Variants in ATG16L1 observed in about 807,000 individuals in gnomAD.
ATG16L1 encodes the protein autophagy-related protein 16-1.
In ATG16L1, 37 loss-of-function variants were observed where a neutral mutation model predicts 88.5. The observed-to-expected ratio is 0.42, with a 90% CI of 0.32 to 0.55. The LOEUF is 0.55. ATG16L1 is among the 20% of genes least tolerant of loss of function. ATG16L1 has a pLI of 0.13. For synonymous variants in ATG16L1, 301 were observed against 281.0 expected (o/e 1.07, Z -0.71); for missense variants, 554 against 752.8 (o/e 0.74, Z 3.09).
intron 1 of ATG16L1, among the ~76,000 whole-genome samples, chr2:233,254,560 C>T (rs1301465827): frequency 6.6e-6 from 1 of 152,194 alleles, no homozygotes; most frequent in Non-Finnish European, 1.5e-5. Context: ...CTCCAGCCTT[C>T]TCTTCAGGGA....
At chr2:233,280,351 A>AT (rs1175726817) in intron 10 of ATG16L1, among the ~76,000 whole-genome samples, 1 of 152,136 alleles carries the variant, frequency 6.6e-6, no homozygotes, top group East Asian at 1.9e-4. Context: ...AATCATTGAG[A>AT]TTTTTGCTCT....
intron 13 of ATG16L1, 42 bp from the exon 14 acceptor site, chr2:233,290,206 T>A (rs55754152): frequency 0.056 from 90,043 of 1,596,006 alleles, 3,197 homozygotes; most frequent in South Asian, 0.14. Context: ...AACAGCCACG[T>A]TGGTGCCTCT....
chr2:233,269,454 AAGT>A (rs1697831978), intron 5 of ATG16L1, among the ~76,000 whole-genome samples: 1 of 152,168 alleles, frequency 6.6e-6, no homozygotes, highest in Admixed American at 6.5e-5. Flanking sequence ...CACTCAAAGG[AAGT>A]ACTCATTGGA....
chr2:233,282,622 T>C, intron 11 of ATG16L1, 60 bp from the exon 12 acceptor site: 1 of 1,407,692 alleles, frequency 7.1e-7, no homozygotes, highest in Non-Finnish European at 1.0e-6. Context: ...ATTTATATCG[T>C]GTGAACTGAA....
At chr2:233,274,940 T>A (rs187102527) in intron 9 of ATG16L1, among the ~76,000 whole-genome samples, 162 bp downstream of exon 9, 181 of 152,348 alleles carry the variant, frequency 1.2e-3, no homozygotes, top group Non-Finnish European at 2.2e-3. Context: ...TGATATATTT[T>A]GCTTAGTTTC....
chr2:233,286,313 A>G (rs1232400306), intron 12 of ATG16L1, among the ~76,000 whole-genome samples: 1 of 152,174 alleles, frequency 6.6e-6, no homozygotes, highest in African/African-American at 2.4e-5. Flanking sequence ...AGAAATCTTG[A>G]AGCCTCCCCA....
chr2:233,280,291 T>A (rs973229942), intron 10 of ATG16L1, among the ~76,000 whole-genome samples: 3 of 152,250 alleles, frequency 2.0e-5, no homozygotes, highest in African/African-American at 7.2e-5. Flanking sequence ...AATTTCTAGC[T>A]TATCTGTGTG....
rs368303107 is a variant in ATG16L1 at position 233,260,292 on chromosome 2, ATCT to A, written c.210-2834_210-2832del. On this transcript the variant is annotated intron_variant, in intron 2 of 17. Transcript: ENST00000392017. ...TAAGCACGGTTCCTGGACTAGTGAC[ATCT>A]TCTGGGAAACTGTTAGAAACGAAGA... 1.1e-4 allele frequency among the ~76,000 whole-genome samples: 17 copies of A among 152,350 alleles called. No individual in the cohort carries two copies. The East Asian group carries it at 2.7e-3, about 24-fold the overall frequency.
intron 6 of ATG16L1, among the ~76,000 whole-genome samples, chr2:233,270,632 T>G (rs1318606580): frequency 1.3e-5 from 2 of 152,200 alleles, no homozygotes. Flanking sequence ...TTTTTGTTGT[T>G]GTTGTTTTGT....
At chr2:233,256,738 A>G (rs1348291677) in intron 2 of ATG16L1, among the ~76,000 whole-genome samples, 1 of 147,872 alleles carries the variant, frequency 6.8e-6, no homozygotes, top group African/African-American at 2.5e-5. Flanking sequence ...TCTGTCACCC[A>G]GGCCGGAGTA....
intron 14 of ATG16L1, among the ~76,000 whole-genome samples, chr2:233,291,888 A>G (rs1317538295): frequency 6.6e-6 from 1 of 152,208 alleles, no homozygotes; most frequent in African/African-American, 2.4e-5. Context: ...TGTCATTCCA[A>G]AAATGGATGA....
intron 2 of ATG16L1, among the ~76,000 whole-genome samples, chr2:233,259,118 G>C (rs1245186449): frequency 6.6e-6 from 1 of 152,150 alleles, no homozygotes; most frequent in Non-Finnish European, 1.5e-5. Flanking sequence ...GCCAAGCAAG[G>C]AGGCAGGAGA....
At chr2:233,288,211 T>C (rs931695715) in intron 12 of ATG16L1, among the ~76,000 whole-genome samples, 1 of 152,152 alleles carries the variant, frequency 6.6e-6, no homozygotes, top group Admixed American at 6.5e-5. Flanking sequence ...AAGTTTTCGC[T>C]TCTGTGCTAA....
At chr2:233,289,653 G>T (rs1429565396) in intron 12 of ATG16L1, among the ~76,000 whole-genome samples, 4 of 152,178 alleles carry the variant, frequency 2.6e-5, no homozygotes, top group African/African-American at 9.7e-5. Context: ...TGGCCTCCCA[G>T]TGTGCTGGGA....
intron 9 of ATG16L1, chr2:233,276,005 C>G (rs977454295): frequency 1.9e-6 from 1 of 513,158 alleles, no homozygotes; most frequent in African/African-American, 1.9e-5. Context: ...CTGAGACCTC[C>G]TAAGGAGAAA....
intron 5 of ATG16L1, among the ~76,000 whole-genome samples, chr2:233,266,446 G>A (rs1388923842): frequency 6.6e-6 from 1 of 152,096 alleles, no homozygotes; most frequent in African/African-American, 2.4e-5. Flanking sequence ...GTGACAGAGC[G>A]AGACCCCATC....
At chr2:233,289,061 A>G in intron 12 of ATG16L1, 2 of 397,734 alleles carry the variant, frequency 5.0e-6, no homozygotes, top group East Asian at 1.2e-4. Flanking sequence ...ACTGACTTTC[A>G]GCAGCATGGC....
chr2:233,255,182 T>G (rs1311931156), intron 1 of ATG16L1, among the ~76,000 whole-genome samples: 1 of 152,146 alleles, frequency 6.6e-6, no homozygotes, highest in Non-Finnish European at 1.5e-5. Flanking sequence ...GCCAGGCTGT[T>G]CTCGAACTCC....
intron 6 of ATG16L1, among the ~76,000 whole-genome samples, chr2:233,272,209 G>C (rs763692813): frequency 1.3e-5 from 2 of 152,144 alleles, no homozygotes; most frequent in African/African-American, 2.4e-5. Flanking sequence ...CTCCAAGTAG[G>C]AAAGACGTGG....
Sources: allele counts gnomAD v4.1 joint callset (sites outside exome capture counted in the v4.1 genomes callset), GRCh38; gene constraint gnomAD v4.1.1; transcripts MANE v1.5; gene names NCBI Gene and HGNC (gene_info 2026-07-23, HGNC 2026-07-21).